The following SGSM2 variants were observed in gnomAD, a reference collection of about 807,000 sequenced individuals.
SGSM2 encodes small G protein signaling modulator 2.
Under a neutral mutation model 126.6 loss-of-function variants are expected in SGSM2, and 89 were observed. The observed-to-expected ratio is 0.70, with a 90% CI of 0.59 to 0.84. SGSM2 has a LOEUF of 0.84. Ranked by LOEUF, SGSM2 falls within the 40% of genes least tolerant of loss-of-function variation. The pLI, the probability that SGSM2 is intolerant of heterozygous loss-of-function variation, is 0.00. For missense variants in SGSM2, 1,404 were observed against 1,416.6 expected, an observed-to-expected ratio of 0.99 and a Z score of 0.14; for synonymous variants, 614 against 574.3, an observed-to-expected ratio of 1.07 and a Z score of -0.99.
Position 2,372,558 on chromosome 17 carries a change from A to G in SGSM2, c.1788+70A>G, listed in dbSNP as rs906604593. ...CGGGCAGGAGTGAGGGCTTCAGGGT[A>G]AAATGTGCCAGTGGGTGCGGTTGAC... On this transcript the variant is annotated intron_variant, in intron 15 of 23. Transcript: ENST00000268989. The surrounding 1 kb of genome is among the most constrained non-coding windows in gnomAD (Gnocchi z 6.0). 8 of 1,558,936 alleles carry G rather than the reference A, an allele frequency of 5.1e-6. No homozygotes were observed. The African/African-American group carries it at 1.1e-4, about 21-fold the overall frequency.
rs566512161 is a variant in SGSM2 at position 2,373,382 on chromosome 17, G to C, written c.1969G>C (p.Ala657Pro). ...RYQQVLAEWKACEVVVRQRER... is the reference protein window; with the variant it reads ...RYQQVLAEWKPCEVVVRQRER... ...CCAGCAGGTGTTGGCAGAGTGGAAGGCCTGCGAGGTGGTGGTGAGGCAGCG... is the reference window on the plus strand; with the variant it reads ...CCAGCAGGTGTTGGCAGAGTGGAAGCCCTGCGAGGTGGTGGTGAGGCAGCG... Residue 657 changes from alanine (A) to proline (P), a missense_variant, in exon 17 of 24, where the codon GCC becomes CCC. Coordinates refer to ENST00000268989, the MANE Select transcript of SGSM2 (RefSeq NM_014853.3). 1.9e-6 allele frequency: 3 copies of C among 1,613,010 alleles called. No individual in the cohort carries two copies. The highest frequency in any genetic ancestry group is 2.5e-6 in the Non-Finnish European group (3 of 1,179,952).
intron 2 of SGSM2, among the ~76,000 whole-genome samples, chr17:2,353,656 T>G (rs2064967710): frequency 6.6e-6 from 1 of 151,990 alleles, no homozygotes. Flanking sequence ...TCCCAGCTAC[T>G]CAGCAGGCTG....
At chr17:2,343,962 C>T (rs774010263) in intron 2 of SGSM2, among the ~76,000 whole-genome samples, 1 of 152,162 alleles carries the variant, frequency 6.6e-6, no homozygotes, top group Non-Finnish European at 1.5e-5. Context: ...CTTTGAGAGC[C>T]GCTGCCCTAG....
intron 1 of SGSM2, among the ~76,000 whole-genome samples, chr17:2,340,819 C>G (rs1032999036): frequency 6.6e-6 from 1 of 152,082 alleles, no homozygotes; most frequent in Admixed American, 6.5e-5. Context: ...CTCCTGACCT[C>G]GTGATCCGCC....
intron 2 of SGSM2, among the ~76,000 whole-genome samples, chr17:2,358,873 G>GTTTTTTTTTTT (rs759581510): frequency 7.9e-5 from 7 of 88,214 alleles, no homozygotes; most frequent in Admixed American, 1.1e-4. Context: ...TGTTGTTGTT[G>GTTTTTTTTTTT]TTTTTTTTTT....
chr17:2,342,481 G>GA (rs1426240353), intron 1 of SGSM2, among the ~76,000 whole-genome samples: 2 of 152,094 alleles, frequency 1.3e-5, no homozygotes, highest in Non-Finnish European at 2.9e-5. Flanking sequence ...TTGGAATCAG[G>GA]AGAGTGGGTA....
rs1238859531 is a variant in SGSM2, at chr17:2,379,481, C to T, written c.3117C>T (p.Asp1039=). Reference sequence around the variant, plus strand: ...AGGAGATCCTGCGGATTGCCCGGGACCTCGTCCACAAGGTGCAGATGCTCA... The same window carrying T: ...AGGAGATCCTGCGGATTGCCCGGGATCTCGTCCACAAGGTGCAGATGCTCA... ...DAQEILRIAR[D]LVHKVQMLIE... The change falls in exon 24 of 24, where the codon GAC becomes GAT. Residue 1039 remains aspartate (D), a synonymous_variant. Transcript: ENST00000268989. 1.2e-6 allele frequency: 2 copies of T among 1,613,728 alleles called. No homozygotes were observed. The highest frequency in any genetic ancestry group is 2.2e-5 in the East Asian group (1 of 44,876).
At chr17:2,373,140 AG>A in intron 16 of SGSM2, 59 bp downstream of exon 16, 1 of 1,598,134 alleles carries the variant, frequency 6.3e-7, no homozygotes, top group East Asian at 2.2e-5. Context: ...AGGGGACGCC[AG>A]GGAGGGGACC....
chr17:2,376,350 T>C, intron 19 of SGSM2, 89 bp downstream of exon 19: 1 of 1,537,062 alleles, frequency 6.5e-7, no homozygotes. Context: ...GCCCTGCTCC[T>C]CTCTCCTGCT....
At position 2,365,351 on chromosome 17, in the gene SGSM2, C is replaced by T. The variant is rs747949825; in HGVS notation, c.1288+10C>T. ...CACAGGCACGAGCACAGTGAGTGTC[C>T]CGAGCTTCATCCCGGGGGAGGAGAG... On this transcript the variant is annotated intron_variant, in intron 11 of 23. Coordinates refer to ENST00000268989, the MANE Select transcript of SGSM2 (RefSeq NM_014853.3). 2 of 1,533,098 alleles carry T rather than the reference C, an allele frequency of 1.3e-6. No individual in the cohort carries two copies. The highest frequency in any genetic ancestry group is 1.2e-5 in the South Asian group (1 of 82,154). The allele number at this position is 1,533,098 out of a possible 1,614,324, so 95.0% of individuals were successfully genotyped here.
At chr17:2,377,779 G>A (rs377585969) in intron 21 of SGSM2, 78 bp from the exon 22 acceptor site, 37 of 927,258 alleles carry the variant, frequency 4.0e-5, no homozygotes, top group Middle Eastern at 2.6e-4. Context: ...ATCCCTGGGC[G>A]TGAGCGGACG....
At chr17:2,347,932 C>G (rs1236572635) in intron 2 of SGSM2, among the ~76,000 whole-genome samples, 1 of 152,174 alleles carries the variant, frequency 6.6e-6, no homozygotes, top group Non-Finnish European at 1.5e-5. Context: ...CTCCCCACCC[C>G]CCAGGGATTG....
chr17:2,338,188 C>T (rs1352158581), intron 1 of SGSM2, among the ~76,000 whole-genome samples: 1 of 152,146 alleles, frequency 6.6e-6, no homozygotes, highest in Non-Finnish European at 1.5e-5. Flanking sequence ...GCGGGCTGAG[C>T]TCCCCCTTGT....
rs1262192429 is a variant in SGSM2, at chr17:2,376,278, G to T, written c.2609+17G>T. 1 of 1,613,100 alleles carries T rather than the reference G, an allele frequency of 6.2e-7. No individual in the cohort carries two copies. The highest frequency in any genetic ancestry group is 8.5e-7 in the Non-Finnish European group (1 of 1,179,982). ...CATGTGCAGGTGCCTTGTGGGGCGG[G>T]GCTCAGGGTGGGAGGCGGGACCCTG... On this transcript the variant is annotated intron_variant, in intron 19 of 23. Transcript: ENST00000268989.
At chr17:2,354,215 T>TTTGTTTTTTTTG (rs1555596809) in intron 2 of SGSM2, among the ~76,000 whole-genome samples, 17 of 151,572 alleles carry the variant, frequency 1.1e-4, no homozygotes, top group African/African-American at 4.1e-4. Flanking sequence ...CCTAGAGTTT[T>TTTGTTTTTTTTG]TTTGTTTGTT....
At chr17:2,360,906 C>T (rs184932343) in intron 2 of SGSM2, among the ~76,000 whole-genome samples, 1 of 152,208 alleles carries the variant, frequency 6.6e-6, no homozygotes, top group African/African-American at 2.4e-5. Flanking sequence ...CCCTCCTCAC[C>T]TGTAAAACTG....
In SGSM2 at chr17:2,379,854, G is replaced by C; in HGVS notation, c.*334G>C. On this transcript the variant is annotated 3_prime_UTR_variant, in exon 24 of 24. Transcript: ENST00000268989. The stretch of plus-strand genomic sequence containing the variant: ...TGGACTGCTGCCCACGAGTGAACCT[G>C]GGGCCCCACAGGATTAACAGGGGCT... 1 of 1,306,812 alleles carries C rather than the reference G, an allele frequency of 7.7e-7. No homozygotes were observed. The highest frequency in any genetic ancestry group is 9.8e-7 in the Non-Finnish European group (1 of 1,022,040). The allele number at this position is 1,306,812 out of a possible 1,614,324, so 81.0% of individuals were successfully genotyped here. A position where few individuals can be genotyped will look rare whatever the true frequency, so the allele number is the denominator to read the frequency against.
rs138231542 is a variant in SGSM2, at chr17:2,375,766, C to T, written c.2375C>T (p.Pro792Leu). Residue 792 changes from proline to leucine, a missense_variant, in exon 18 of 24, where the codon CCT (proline) becomes CTT (leucine). By Grantham distance (98) the Pro-to-Leu change is moderately conservative. Coordinates refer to ENST00000268989, the MANE Select transcript of SGSM2 (RefSeq NM_014853.3). ...GAGGAAGGCTCCAGTGGGCCCGGCC[C>T]TGCAGCTCACACTTTGAGGGAGCCC... ...GGEEGSSGPG[P>L]AAHTLREPQD... The T allele has an allele frequency of 2.5e-6, 4 of 1,597,816 alleles. No individual in the cohort carries two copies. The highest frequency in any genetic ancestry group is 2.7e-5 in the African/African-American group (2 of 74,590).
At position 2,379,613 on chromosome 17, in the gene SGSM2, C is replaced by T. The variant is rs1597404380; in HGVS notation, c.*93C>T. 1.5e-5 allele frequency: 23 copies of T among 1,526,720 alleles called. No homozygotes were observed. The East Asian group carries it at 3.8e-4, about 25-fold the overall frequency. The allele number at this position is 1,526,720 out of a possible 1,614,324, so 94.6% of individuals were successfully genotyped here. On this transcript the variant is annotated 3_prime_UTR_variant, in exon 24 of 24. Coordinates refer to ENST00000268989, the MANE Select transcript of SGSM2 (RefSeq NM_014853.3). Reference sequence around the variant, plus strand: ...CGCCCAGACCTCCCCAGCCACCAACCGACCCCACCTCTGTTCCTAACAAAG... The same window carrying T: ...CGCCCAGACCTCCCCAGCCACCAACTGACCCCACCTCTGTTCCTAACAAAG...
Sources: gnomAD v4.1 joint callset for allele counts (sites outside exome capture counted in the v4.1 genomes callset) on GRCh38, gnomAD v4.1.1 for gene constraint, Gnocchi (gnomAD v3.1) non-coding constraint, MANE v1.5 for transcripts, NCBI Gene and HGNC (gene_info 2026-07-23, HGNC 2026-07-21) for gene names.